UGT1A9: variants seen among roughly 807,000 people sequenced by gnomAD.
The protein encoded by UGT1A9 is UDP-glucuronosyltransferase 1A9.
Under a neutral mutation model 45.0 loss-of-function variants are expected in UGT1A9, and 35 were observed. The observed-to-expected ratio is 0.78, with a 90% confidence interval of 0.59 to 1.03. UGT1A9 has a LOEUF of 1.03. Among genes scored for constraint, UGT1A9 ranks in the 50% least tolerant of loss-of-function variants. The probability of loss-of-function intolerance (pLI) is 0.00; values close to 1 mark genes in which losing one functional copy is unlikely to be tolerated. For missense variants in UGT1A9, 687 were observed against 666.6 expected (o/e 1.03, Z -0.34); for synonymous variants, 278 against 250.6 (o/e 1.11, Z -1.03).
chr2:233,729,873 C>A, intron 1 of UGT1A9: 1 of 1,613,864 alleles, frequency 6.2e-7, no homozygotes, highest in Non-Finnish European at 8.5e-7. Context: ...TGGATATTCT[C>A]AGTCATGCAT....
chr2:233,723,516 CTTTTTT>C (rs1162916866), intron 1 of UGT1A9, among the ~76,000 whole-genome samples: 5 of 85,406 alleles, frequency 5.9e-5, no homozygotes, highest in African/African-American at 2.4e-4. Context: ...GGTCAACAAT[CTTTTTT>C]TTTTTTTTTT....
At chr2:233,771,672 A>G (rs1345371063) in intron 4 of UGT1A9, 4 of 152,446 alleles carry the variant, frequency 2.6e-5, no homozygotes, top group Non-Finnish European at 4.4e-5. Flanking sequence ...CTCACAAAAT[A>G]TCACTAAAAA....
At chr2:233,758,626 C>T (rs1184924928) in intron 1 of UGT1A9, among the ~76,000 whole-genome samples, 3 of 152,058 alleles carry the variant, frequency 2.0e-5, no homozygotes, top group Admixed American at 6.5e-5. Flanking sequence ...ATGCAAAGTA[C>T]CTACTCTAAG....
chr2:233,762,443 C>A (rs1698075308), intron 1 of UGT1A9, among the ~76,000 whole-genome samples: 1 of 152,222 alleles, frequency 6.6e-6, no homozygotes, highest in Non-Finnish European at 1.5e-5. Flanking sequence ...TGTATTCCCA[C>A]TGCCCACTTA....
intron 1 of UGT1A9, chr2:233,730,038 C>T (rs1559375450): frequency 6.2e-7 from 1 of 1,612,872 alleles, no homozygotes; most frequent in East Asian, 2.2e-5. Flanking sequence ...AGGCAAAACA[C>T]TTTTTAAAAA....
intron 1 of UGT1A9, among the ~76,000 whole-genome samples, chr2:233,759,599 A>ACCCCCCCCCCCCC (rs1553620419): frequency 1.6e-4 from 17 of 108,720 alleles, no homozygotes; most frequent in African/African-American, 3.6e-4. Context: ...CCCACCCCCG[A>ACCCCCCCCCCCCC]CCCGCCCCAC....
chr2:233,682,709 G>C, intron 1 of UGT1A9: 1 of 1,613,798 alleles, frequency 6.2e-7, no homozygotes, highest in Non-Finnish European at 8.5e-7. Context: ...AACTGACTTT[G>C]TTTTGGAGTA....
At chr2:233,760,928 T>C (rs1276169722) in intron 1 of UGT1A9, 2 of 1,614,184 alleles carry the variant, frequency 1.2e-6, no homozygotes, top group Non-Finnish European at 1.7e-6. Context: ...AAGAACATGC[T>C]CATTGCCTTT....
At chr2:233,682,700 A>G in intron 1 of UGT1A9, 6 of 1,613,892 alleles carry the variant, frequency 3.7e-6, no homozygotes, top group Non-Finnish European at 5.1e-6. Context: ...GTTGTTGCGA[A>G]CTGACTTTGT....
At chr2:233,688,306 C>T (rs1324577706) in intron 1 of UGT1A9, among the ~76,000 whole-genome samples, 1 of 152,124 alleles carries the variant, frequency 6.6e-6, no homozygotes, top group Non-Finnish European at 1.5e-5. Context: ...TTTATCCATT[C>T]ATCAGTTGGT....
chr2:233,690,288 G>C (rs916343579), intron 1 of UGT1A9, among the ~76,000 whole-genome samples: 5 of 152,148 alleles, frequency 3.3e-5, no homozygotes, highest in Non-Finnish European at 5.9e-5. Context: ...AAATCTTGCA[G>C]GTGGGTCCTG....
At chr2:233,729,385 G>C (rs1328190991) in intron 1 of UGT1A9, 1 of 1,613,836 alleles carries the variant, frequency 6.2e-7, no homozygotes, top group Admixed American at 1.7e-5. Flanking sequence ...GTGGACCCAG[G>C]ATGAATTTGA....
intron 1 of UGT1A9, chr2:233,681,906 C>A (rs1352844519): frequency 4.4e-6 from 7 of 1,596,542 alleles, no homozygotes; most frequent in Non-Finnish European, 6.0e-6. Flanking sequence ...AGCTTAGAAT[C>A]CCAGCTGCTG....
chr2:233,708,919 A>G (rs1575489691), intron 1 of UGT1A9, among the ~76,000 whole-genome samples: 1 of 152,120 alleles, frequency 6.6e-6, no homozygotes, highest in East Asian at 1.9e-4. Context: ...ATTGCTTGCT[A>G]CAGAGCCAAA....
chr2:233,744,539 T>C (rs1692841530), intron 1 of UGT1A9, among the ~76,000 whole-genome samples: 1 of 151,924 alleles, frequency 6.6e-6, no homozygotes, highest in African/African-American at 2.4e-5. Flanking sequence ...TTTATGTAAA[T>C]TTTATTAAGA....
chr2:233,735,879 G>A (rs1213973999), intron 1 of UGT1A9, among the ~76,000 whole-genome samples: 1 of 152,086 alleles, frequency 6.6e-6, no homozygotes, highest in Non-Finnish European at 1.5e-5. Flanking sequence ...AGAGAGATCT[G>A]CTGTTAGTCT....
intron 1 of UGT1A9, among the ~76,000 whole-genome samples, chr2:233,740,368 A>C (rs1423573410): frequency 6.6e-6 from 1 of 151,928 alleles, no homozygotes; most frequent in Non-Finnish European, 1.5e-5. Flanking sequence ...AATTCCTAGA[A>C]AGGTAAGTTG....
intron 1 of UGT1A9, chr2:233,712,902 G>T: frequency 4.3e-6 from 7 of 1,609,502 alleles, no homozygotes; most frequent in Non-Finnish European, 5.9e-6. Context: ...TTTGCTAGGT[G>T]TCTCAGTGAC....
intron 1 of UGT1A9, chr2:233,690,985 T>G (rs2125547210): frequency 1.7e-5 from 17 of 995,592 alleles, no homozygotes; most frequent in South Asian, 4.5e-5. Context: ...GACCCACATA[T>G]GAGCAACAGG....
Sources: allele counts gnomAD v4.1 joint callset (sites outside exome capture counted in the v4.1 genomes callset), GRCh38; gene constraint gnomAD v4.1.1; transcripts MANE v1.5; gene names NCBI Gene and HGNC (gene_info 2026-07-23, HGNC 2026-07-21).